Variants in PABPC1 observed in about 807,000 individuals in gnomAD.
PABPC1 encodes polyadenylate-binding protein 1.
In PABPC1, 4 loss-of-function variants were observed where a neutral mutation model predicts 74.0. The observed-to-expected ratio is 0.05, with a 90% CI of 0.03 to 0.12. The LOEUF (loss-of-function observed/expected upper bound fraction) is 0.12. Among genes scored for constraint, PABPC1 ranks in the 10% least tolerant of loss-of-function variants. The pLI, the probability that PABPC1 is intolerant of heterozygous loss-of-function variation, is 1.00. For missense variants in PABPC1, 271 were observed against 821.1 expected (o/e 0.33, Z 8.19); for synonymous variants, 227 against 264.1 (o/e 0.86, Z 1.36).
chr8:100,713,087 T>C lies in PABPC1; in HGVS notation c.738A>G (p.Lys246=), dbSNP rs1180680372. 1 of 1,602,074 alleles carries C rather than the reference T, an allele frequency of 6.2e-7. No individual in the cohort carries two copies. Among genetic ancestry groups the C allele is most frequent in the Admixed American group, 1.7e-5 (1 of 57,890 alleles). The part of the protein sequence containing the change: ...VSFERHEDAQ[K]AVDEMNGKEL... ...TTCCTGCTGAATACAGACCACTTAC[T>C]TTCTGTGCATCTTCATGCCTTTCAA... Residue 246 remains lysine (K), a splice_region_variant and synonymous_variant, in exon 5 of 15, where the codon AAA becomes AAG. Transcript: ENST00000318607.
At chr8:100,720,493 AC>A (rs1174522596) in intron 1 of PABPC1, among the ~76,000 whole-genome samples, 1 of 152,222 alleles carries the variant, frequency 6.6e-6, no homozygotes, top group Non-Finnish European at 1.5e-5. Context: ...CACTAAAGTA[AC>A]ATTTTATAGC....
At chr8:100,708,228 A>C (rs1486051093) in intron 9 of PABPC1, among the ~76,000 whole-genome samples, 1 of 152,166 alleles carries the variant, frequency 6.6e-6, no homozygotes, top group African/African-American at 2.4e-5. Flanking sequence ...TATACCTGAA[A>C]CATAATCATG....
In PABPC1 at chr8:100,717,949, T is replaced by C. The variant is rs1563616030; in HGVS notation, c.388-61A>G. 6 of 1,390,316 alleles carry C rather than the reference T, an allele frequency of 4.3e-6. No homozygotes were observed. In the East Asian group the frequency reaches 1.4e-4, roughly 32 times the overall value. 86.1% of individuals were successfully genotyped at this position (1,390,316 alleles called of 1,614,324 possible). ...CTATTGATTTAACATTTGTTCAGTG[T>C]TGAGAGACAATCTGTTAGCCATCTA... On this transcript the variant is annotated intron_variant, in intron 2 of 14. Coordinates refer to ENST00000318607, the MANE Select transcript of PABPC1 (RefSeq NM_002568.4).
chr8:100,704,870 T>G, intron 13 of PABPC1, 56 bp downstream of exon 13: 1 of 1,587,480 alleles, frequency 6.3e-7, no homozygotes, highest in South Asian at 1.1e-5. Context: ...TAAGTCCCCA[T>G]AAAAAGCCAC....
chr8:100,718,938 A>C (rs569654539), intron 1 of PABPC1, among the ~76,000 whole-genome samples: 1 of 152,298 alleles, frequency 6.6e-6, no homozygotes, highest in Non-Finnish European at 1.5e-5. Context: ...TTGGTTTCAT[A>C]ATCACAGAAT....
At chr8:100,711,512 C>A (rs1810526783) in intron 7 of PABPC1, among the ~76,000 whole-genome samples, 1 of 152,158 alleles carries the variant, frequency 6.6e-6, no homozygotes, top group Admixed American at 6.5e-5. Context: ...TTCATACATT[C>A]AAAATATGCT....
At chr8:100,711,690 C>T (rs557789004) in intron 7 of PABPC1, among the ~76,000 whole-genome samples, 1 of 152,350 alleles carries the variant, frequency 6.6e-6, no homozygotes, top group Non-Finnish European at 1.5e-5. Flanking sequence ...TTTCCCCTAA[C>T]ATTTCCTCAC....
chr8:100,715,405 T>A, intron 4 of PABPC1, 57 bp downstream of exon 4: 1 of 1,442,242 alleles, frequency 6.9e-7, no homozygotes, highest in Non-Finnish European at 9.4e-7. Flanking sequence ...TAGCTAAAAT[T>A]AACACTGAGC....
intron 3 of PABPC1, among the ~76,000 whole-genome samples, chr8:100,717,338 A>G (rs146164420): frequency 0.012 from 1,895 of 152,322 alleles, 35 homozygotes; most frequent in African/African-American, 0.04. Flanking sequence ...CTCATTTTAC[A>G]GTACATAAAA....
chr8:100,718,783 C>T (rs968596910), intron 1 of PABPC1, among the ~76,000 whole-genome samples: 1 of 152,084 alleles, frequency 6.6e-6, no homozygotes, highest in Non-Finnish European at 1.5e-5. Flanking sequence ...GAAAACTAGT[C>T]CATTTCCTAA....
chr8:100,710,285 G>C (rs192864812), intron 7 of PABPC1, among the ~76,000 whole-genome samples: 2 of 152,278 alleles, frequency 1.3e-5, no homozygotes, highest in East Asian at 3.9e-4. Context: ...TGATTGCAAA[G>C]ACCTTTTAAA....
rs375849218 is a variant in PABPC1 at position 100,706,758 on chromosome 8, C to T, written c.1495G>A (p.Ala499Thr). ...TMGPRPAAAAAAATPAVRTVP... is the reference protein window; with the variant it reads ...TMGPRPAAAATAATPAVRTVP... ...GTGCGGACAGCAGGAGTAGCTGCAG[C>T]GGCTGCAGCTGCAGGACGTGGACCC... The change falls in exon 11 of 15, where the codon GCT (alanine) becomes ACT (threonine). Residue 499 changes from alanine to threonine, a missense_variant. Ala to Thr is a moderately conservative substitution (Grantham distance 58). This residue lies in a region of PABPC1 where 103 missense variants were observed against 245.3 expected (regional missense o/e 0.42). Coordinates refer to ENST00000318607, the MANE Select transcript of PABPC1 (RefSeq NM_002568.4). The T allele has an allele frequency of 7.6e-5, 122 of 1,613,550 alleles. No homozygotes were observed. The highest frequency in any genetic ancestry group is 9.1e-5 in the Non-Finnish European group (107 of 1,179,468).
At chr8:100,708,633 T>G (rs921146333) in intron 9 of PABPC1, among the ~76,000 whole-genome samples, 21 of 152,136 alleles carry the variant, frequency 1.4e-4, no homozygotes, top group Non-Finnish European at 2.2e-4. Context: ...CTCAACACTT[T>G]AGGAGGCTGA....
chr8:100,721,126 C>A lies in PABPC1; in HGVS notation c.193+265G>T, dbSNP rs1410200109. ...AATCTCACCCACCCTCCCGGCGCGTCATCACCCTAAAGTTTGAGAGCGTCT... is the reference window on the plus strand; with the variant it reads ...AATCTCACCCACCCTCCCGGCGCGTAATCACCCTAAAGTTTGAGAGCGTCT... On this transcript the variant is annotated intron_variant, in intron 1 of 14. Coordinates refer to ENST00000318607, the MANE Select transcript of PABPC1 (RefSeq NM_002568.4). This position sits in a 1 kb window ranked among gnomAD's most constrained non-coding sequence, Gnocchi z 7.4. Among the ~76,000 whole-genome samples, 2 of 152,156 alleles carry A rather than the reference C, an allele frequency of 1.3e-5. No individual in the cohort carries two copies. The highest frequency in any genetic ancestry group is 4.8e-5 in the African/African-American group (2 of 41,436).
chr8:100,716,292 T>TCGTA (rs1261573643), intron 3 of PABPC1, among the ~76,000 whole-genome samples: 1 of 152,106 alleles, frequency 6.6e-6, no homozygotes, highest in Non-Finnish European at 1.5e-5. Context: ...TCCCACCTAC[T>TCGTA]TGGGAGGCTG....
rs986260553 is a variant in PABPC1, at chr8:100,721,665, G to A, written c.-82C>T. ...GCGAGTGCCGGGGCTGGGGGCCGGA[G>A]CCGGGGGGAGGGGAGCGGGGAGCAA... On this transcript the variant is annotated 5_prime_UTR_variant, in exon 1 of 15. Coordinates refer to ENST00000318607, the MANE Select transcript of PABPC1 (RefSeq NM_002568.4). This position sits in a 1 kb window ranked among gnomAD's most constrained non-coding sequence, Gnocchi z 7.4. 6.8e-6 allele frequency: 8 copies of A among 1,172,680 alleles called. No individual in the cohort carries two copies. Among genetic ancestry groups the A allele is most frequent in the South Asian group, 2.0e-5 (1 of 49,328 alleles). 72.6% of individuals were successfully genotyped at this position (1,172,680 alleles called of 1,614,324 possible). A position where few individuals can be genotyped will look rare whatever the true frequency, so the allele number is the denominator to read the frequency against.
intron 14 of PABPC1, among the ~76,000 whole-genome samples, chr8:100,703,787 C>T (rs1051490357): frequency 3.3e-5 from 5 of 152,108 alleles, no homozygotes; most frequent in Admixed American, 6.6e-5. Context: ...CAGTGGCTCA[C>T]GCCTGTAATT....
chr8:100,705,181 C>G, intron 12 of PABPC1, 125 bp from the exon 13 acceptor site: 1 of 736,446 alleles, frequency 1.4e-6, no homozygotes, highest in South Asian at 1.9e-5. Flanking sequence ...ACCCATAATC[C>G]ACAATTTCAT....
At chr8:100,718,021 A>G (rs1277282172) in intron 2 of PABPC1, 66 bp downstream of exon 2, 1 of 1,451,488 alleles carries the variant, frequency 6.9e-7, no homozygotes, top group Non-Finnish European at 9.6e-7. Context: ...CACAGTTCCT[A>G]TTTCAAGCAC....
Sources: gnomAD v4.1 joint callset for allele counts (sites outside exome capture counted in the v4.1 genomes callset) on GRCh38, gnomAD v4.1.1 for gene constraint, gnomAD v4.1.1 regional missense constraint, Gnocchi (gnomAD v3.1) non-coding constraint, MANE v1.5 for transcripts, NCBI Gene and HGNC (gene_info 2026-07-23, HGNC 2026-07-21) for gene names.